The following PHF24 variants were observed in gnomAD, a reference collection of about 807,000 sequenced individuals.
PHF24 encodes PHD finger protein 24.
A neutral mutation model predicts 42.6 loss-of-function variants in PHF24; 25 were observed. That is an observed-to-expected ratio of 0.59 (90% confidence interval 0.43 to 0.82). The LOEUF is 0.82. Among genes scored for constraint, PHF24 ranks in the 40% least tolerant of loss-of-function variants. The pLI is 0.00. For missense variants in PHF24, 470 were observed against 538.1 expected (o/e 0.87, Z 1.25); for synonymous variants, 185 against 204.8 (o/e 0.90, Z 0.83).
chr9:34,791,153 G>T, the PHF24 span, among the ~76,000 whole-genome samples: 6 of 152,260 alleles, frequency 3.9e-5, no homozygotes, highest in African/African-American at 1.4e-4. Flanking sequence ...AGGAGTAGAA[G>T]TGAAAGCAGG....
chr9:34,875,274 C>G, the PHF24 span, among the ~76,000 whole-genome samples: 1 of 152,192 alleles, frequency 6.6e-6, no homozygotes, highest in Non-Finnish European at 1.5e-5. Context: ...CTTACCTATA[C>G]TCCACAATAT....
chr9:34,689,817 G>A, the PHF24 span: 1 of 1,614,158 alleles, frequency 6.2e-7, no homozygotes, highest in Non-Finnish European at 8.5e-7. This position sits in a 1 kb window ranked among gnomAD's most constrained non-coding sequence, Gnocchi z 4.1. Context: ...CACGGTCATA[G>A]GTTAACTGCT....
At chr9:34,791,997 T>C in the PHF24 span, among the ~76,000 whole-genome samples, 6 of 152,336 alleles carry the variant, frequency 3.9e-5, no homozygotes, top group South Asian at 1.2e-3. Context: ...GAAGCACTTT[T>C]GTGTTCTTTA....
At chr9:34,936,105 C>G in the PHF24 span, among the ~76,000 whole-genome samples, 2 of 151,816 alleles carry the variant, frequency 1.3e-5, no homozygotes, top group African/African-American at 2.4e-5. Context: ...TCCACGGTCT[C>G]CCTCTGATGC....
the PHF24 span, chr9:34,680,921 T>C: frequency 6.6e-6 from 1 of 152,228 alleles, no homozygotes; most frequent in Admixed American, 6.5e-5. Context: ...TGTGGTGGTA[T>C]TACTACTACT....
chr9:34,676,067 G>A, the PHF24 span, among the ~76,000 whole-genome samples: 88 of 152,258 alleles, frequency 5.8e-4, no homozygotes, highest in Non-Finnish European at 1.0e-3. Flanking sequence ...TGGAGTGGGG[G>A]AGTTATTTCT....
the PHF24 span, among the ~76,000 whole-genome samples, chr9:34,797,896 A>G: frequency 6.6e-6 from 1 of 152,110 alleles, no homozygotes; most frequent in Non-Finnish European, 1.5e-5. Context: ...CACATTCAGT[A>G]TCATTTAAAG....
At chr9:34,763,275 G>A in the PHF24 span, among the ~76,000 whole-genome samples, 18 of 151,766 alleles carry the variant, frequency 1.2e-4, no homozygotes, top group East Asian at 5.8e-4. Flanking sequence ...TTGAATCTAT[G>A]AATTACCTTG....
At chr9:34,924,645 A>C in the PHF24 span, among the ~76,000 whole-genome samples, 1 of 151,122 alleles carries the variant, frequency 6.6e-6, no homozygotes, top group Non-Finnish European at 1.5e-5. Context: ...CCATTCCTTT[A>C]TTTTCAGTCT....
At chr9:34,729,290 G>C in the PHF24 span, 1 of 1,551,980 alleles carries the variant, frequency 6.4e-7, no homozygotes, top group Non-Finnish European at 8.7e-7. Flanking sequence ...CTACCCGGCA[G>C]CAGCTCCTTT....
the PHF24 span, among the ~76,000 whole-genome samples, chr9:34,935,742 G>GTGTGTGTGTGTGTGT: frequency 6.6e-6 from 1 of 150,792 alleles, no homozygotes. Context: ...GTGTGGGGGG[G>GTGTGTGTGTGTGTGT]GGGTGTGTGT....
the PHF24 span, among the ~76,000 whole-genome samples, chr9:34,795,191 C>T: frequency 1.3e-5 from 2 of 151,808 alleles, no homozygotes; most frequent in Admixed American, 6.6e-5. Context: ...CTGCATAGAG[C>T]TGTGATCATG....
At chr9:34,938,934 CAAAAAAA>C in the PHF24 span, among the ~76,000 whole-genome samples, 2 of 63,440 alleles carry the variant, frequency 3.2e-5, no homozygotes, top group Non-Finnish European at 5.5e-5. Flanking sequence ...GAGACTCCAT[CAAAAAAA>C]AAAAAAAAAA....
the PHF24 span, among the ~76,000 whole-genome samples, chr9:34,685,384 C>G: frequency 6.6e-6 from 1 of 152,202 alleles, no homozygotes; most frequent in Non-Finnish European, 1.5e-5. Flanking sequence ...CTTTGAGGCT[C>G]TGGGGAAGCT....
intron 3 of PHF24, among the ~76,000 whole-genome samples, chr9:34,973,348 T>C (rs1827073303): frequency 6.6e-6 from 1 of 152,188 alleles, no homozygotes; most frequent in Admixed American, 6.5e-5. Context: ...TCATAAGCAT[T>C]TGCTCTTCCT....
chr9:34,922,749 G>A, the PHF24 span: 1 of 1,590,458 alleles, frequency 6.3e-7, no homozygotes, highest in Non-Finnish European at 8.5e-7. Context: ...GATGCTCCAA[G>A]ATGACCTACG....
the PHF24 span, among the ~76,000 whole-genome samples, chr9:34,918,560 T>G: frequency 1.3e-5 from 2 of 152,162 alleles, no homozygotes; most frequent in African/African-American, 4.8e-5. Context: ...AACCTGTATA[T>G]CTTAAGATAT....
At chr9:34,892,146 T>A in the PHF24 span, among the ~76,000 whole-genome samples, 6 of 152,180 alleles carry the variant, frequency 3.9e-5, no homozygotes, top group African/African-American at 1.4e-4. Context: ...GAGGCCTCAG[T>A]GCATCCTCTA....
chr9:34,695,159 C>A, the PHF24 span, among the ~76,000 whole-genome samples: 1 of 152,166 alleles, frequency 6.6e-6, no homozygotes, highest in East Asian at 1.9e-4. Flanking sequence ...CCACTCCCCA[C>A]CTCTGGGTAG....
Sources: gnomAD v4.1 joint callset for allele counts (sites outside exome capture counted in the v4.1 genomes callset) on GRCh38, gnomAD v4.1.1 for gene constraint, Gnocchi (gnomAD v3.1) non-coding constraint, MANE v1.5 for transcripts, NCBI Gene and HGNC (gene_info 2026-07-23, HGNC 2026-07-21) for gene names.